PGCKA1: variants seen among roughly 807,000 people sequenced by gnomAD.
PGCKA1 encodes PDCD10 and GCKIII kinases-associated protein 1.
the PGCKA1 span, among the ~76,000 whole-genome samples, chr4:37,582,361 C>T: frequency 6.6e-6 from 1 of 152,148 alleles, no homozygotes; most frequent in African/African-American, 2.4e-5. Context: ...TGCCCTTCCC[C>T]AAGAGCATTC....
the PGCKA1 span, among the ~76,000 whole-genome samples, chr4:37,593,367 T>C: frequency 6.6e-6 from 1 of 152,196 alleles, no homozygotes; most frequent in Non-Finnish European, 1.5e-5. Context: ...CACGTATCAA[T>C]GACCCGCATA....
At chr4:37,575,561 T>C in the PGCKA1 span, among the ~76,000 whole-genome samples, 1 of 152,122 alleles carries the variant, frequency 6.6e-6, no homozygotes, top group Non-Finnish European at 1.5e-5. Flanking sequence ...GTCTCTTCAC[T>C]CCGTTGATTG....
the PGCKA1 span, among the ~76,000 whole-genome samples, chr4:37,523,830 G>A: frequency 6.6e-6 from 1 of 152,060 alleles, no homozygotes; most frequent in Admixed American, 6.6e-5. Context: ...GTCCTCACAT[G>A]GCCTTCCTTG....
the PGCKA1 span, among the ~76,000 whole-genome samples, chr4:37,532,140 A>G: frequency 6.6e-6 from 1 of 152,168 alleles, no homozygotes; most frequent in African/African-American, 2.4e-5. Context: ...ATGATAAATC[A>G]ATGCTTGATT....
the PGCKA1 span, among the ~76,000 whole-genome samples, chr4:37,521,507 T>C: frequency 6.6e-6 from 1 of 152,334 alleles, no homozygotes; most frequent in East Asian, 1.9e-4. Flanking sequence ...AAATTGCTCT[T>C]GTTATTCATT....
chr4:37,454,136 CCTA>C, the PGCKA1 span: 1 of 152,912 alleles, frequency 6.5e-6, no homozygotes, highest in Non-Finnish European at 1.5e-5. Context: ...CTCCGAGTCG[CCTA>C]CTTTTAAGTT....
the PGCKA1 span, among the ~76,000 whole-genome samples, chr4:37,553,078 T>C: frequency 1.5e-5 from 2 of 137,322 alleles, no homozygotes; most frequent in Non-Finnish European, 3.2e-5. Context: ...GCAGTGGGAT[T>C]ACATTTTCTC....
the PGCKA1 span, among the ~76,000 whole-genome samples, chr4:37,548,298 A>T: frequency 6.6e-6 from 1 of 152,182 alleles, no homozygotes; most frequent in Non-Finnish European, 1.5e-5. Flanking sequence ...CTTTGGTAAA[A>T]ATATTATAAG....
chr4:37,552,295 G>A, the PGCKA1 span, among the ~76,000 whole-genome samples: 1 of 152,182 alleles, frequency 6.6e-6, no homozygotes, highest in Non-Finnish European at 1.5e-5. Context: ...AATCAATCAC[G>A]ACCCTTTCAT....
At chr4:37,463,237 T>C in the PGCKA1 span, among the ~76,000 whole-genome samples, 1 of 151,820 alleles carries the variant, frequency 6.6e-6, no homozygotes, top group Non-Finnish European at 1.5e-5. Flanking sequence ...TGTAGGGAAG[T>C]TGAAAGAGTT....
chr4:37,462,074 TC>T, the PGCKA1 span, among the ~76,000 whole-genome samples: 2 of 150,698 alleles, frequency 1.3e-5, no homozygotes, highest in African/African-American at 5.0e-5. Flanking sequence ...AAAGGCAGCT[TC>T]CCCCATTCCT....
chr4:37,569,107 G>T, the PGCKA1 span, among the ~76,000 whole-genome samples: 96 of 152,048 alleles, frequency 6.3e-4, no homozygotes, highest in African/African-American at 2.1e-3. Flanking sequence ...AAAAAAAAAG[G>T]GGGGGAGAGA....
chr4:37,484,489 G>T, the PGCKA1 span, among the ~76,000 whole-genome samples: 2 of 152,144 alleles, frequency 1.3e-5, no homozygotes, highest in East Asian at 1.9e-4. Flanking sequence ...TTTGGGTGAG[G>T]ACACAGCCAA....
chr4:37,557,869 C>T, the PGCKA1 span, among the ~76,000 whole-genome samples: 1 of 152,198 alleles, frequency 6.6e-6, no homozygotes, highest in Non-Finnish European at 1.5e-5. Context: ...AAACCCCTTG[C>T]CTTCCTGGGC....
At chr4:37,476,413 A>C in the PGCKA1 span, among the ~76,000 whole-genome samples, 1 of 152,196 alleles carries the variant, frequency 6.6e-6, no homozygotes, top group Admixed American at 6.6e-5. Context: ...CTGTAATCCA[A>C]AGCCATATCC....
chr4:37,559,931 G>A, the PGCKA1 span, among the ~76,000 whole-genome samples: 1 of 152,178 alleles, frequency 6.6e-6, no homozygotes, highest in African/African-American at 2.4e-5. Flanking sequence ...TGGTCAAGCT[G>A]CCTCCTATCT....
At chr4:37,522,416 A>G in the PGCKA1 span, among the ~76,000 whole-genome samples, 1 of 152,116 alleles carries the variant, frequency 6.6e-6, no homozygotes, top group African/African-American at 2.4e-5. Flanking sequence ...TTAAGACCCA[A>G]GGGCTCTTAA....
At chr4:37,487,394 A>G in the PGCKA1 span, among the ~76,000 whole-genome samples, 6 of 152,290 alleles carry the variant, frequency 3.9e-5, no homozygotes, top group African/African-American at 1.4e-4. Flanking sequence ...ATTTAACTGT[A>G]TTTCAGAGCA....
At chr4:37,472,190 C>T in the PGCKA1 span, among the ~76,000 whole-genome samples, 5 of 152,198 alleles carry the variant, frequency 3.3e-5, no homozygotes, top group East Asian at 9.6e-4. Context: ...CTTCAGCCTC[C>T]TGCCCTACCC....
Sources: gnomAD v4.1 joint callset for allele counts (sites outside exome capture counted in the v4.1 genomes callset) on GRCh38, gnomAD v4.1.1 for gene constraint, MANE v1.5 for transcripts, NCBI Gene and HGNC (gene_info 2026-07-23, HGNC 2026-07-21) for gene names.